The following MRTFB variants were observed in gnomAD, a reference collection of about 807,000 sequenced individuals.
MRTFB encodes myocardin related transcription factor B.
MRTFB carries 29 observed loss-of-function variants against 104.2 expected under a neutral mutation model. The observed-to-expected ratio is 0.28, with a 90% CI of 0.21 to 0.38. MRTFB has a LOEUF of 0.38. Among genes scored for constraint, MRTFB ranks in the 10% least tolerant of loss-of-function variants. The probability of loss-of-function intolerance (pLI) is 1.00; values close to 1 mark genes in which losing one functional copy is unlikely to be tolerated. For synonymous variants in MRTFB, 535 were observed against 519.5 expected (o/e 1.03, Z -0.41); for missense variants, 1,270 against 1,341.6 (o/e 0.95, Z 0.83).
chr16:14,232,028 A>T (rs1263830907), intron 8 of MRTFB, among the ~76,000 whole-genome samples: 1 of 152,232 alleles, frequency 6.6e-6, no homozygotes, highest in East Asian at 1.9e-4. Context: ...GGCACAGTCT[A>T]GAAATTTAGG....
intron 6 of MRTFB, among the ~76,000 whole-genome samples, chr16:14,214,265 C>CTTTCA (rs984623991): frequency 1.3e-5 from 2 of 152,202 alleles, no homozygotes; most frequent in Non-Finnish European, 2.9e-5. Context: ...GTTACATTTT[C>CTTTCA]TTTCATTGTT....
chr16:14,256,194 C>CAA (rs750556838), intron 15 of MRTFB, among the ~76,000 whole-genome samples: 1,905 of 77,614 alleles, frequency 0.025, 103 homozygotes, highest in African/African-American at 0.087. Context: ...AACAGGATAA[C>CAA]AAAAAAAAAA....
intron 3 of MRTFB, among the ~76,000 whole-genome samples, chr16:14,206,965 C>A (rs1013528508): frequency 6.6e-5 from 10 of 151,488 alleles, no homozygotes; most frequent in Admixed American, 2.0e-4. Flanking sequence ...ACATACTTAA[C>A]AAAATGGCTA....
At chr16:14,094,747 A>G (rs913015541) in intron 2 of MRTFB, among the ~76,000 whole-genome samples, 1 of 152,202 alleles carries the variant, frequency 6.6e-6, no homozygotes, top group Non-Finnish European at 1.5e-5. Context: ...TACAGGTAGA[A>G]TAGGGGTTTT....
In MRTFB at chr16:14,261,201, G is replaced by T; in HGVS notation, c.3057G>T (p.Leu1019=). 6.2e-7 allele frequency: 1 copy of T among 1,614,198 alleles called. No individual in the cohort carries two copies. Among genetic ancestry groups the T allele is most frequent in the Non-Finnish European group, 8.5e-7 (1 of 1,180,036 alleles). Residue 1019 remains leucine (L), a synonymous_variant, in exon 17 of 17, where the codon CTG becomes CTT. Transcript: ENST00000571589. ...FSLIEDLQND[L]LSHSGMLDHS... ...TGATCGAGGACCTCCAGAATGATCTGCTGAGTCACTCAGGTATGCTGGACC... is the reference window on the plus strand; with the variant it reads ...TGATCGAGGACCTCCAGAATGATCTTCTGAGTCACTCAGGTATGCTGGACC...
At position 14,246,836 on chromosome 16, in the gene MRTFB, T is replaced by G; in HGVS notation, c.1576T>G (p.Phe526Val). The G allele has an allele frequency of 1.2e-6, 2 of 1,612,426 alleles. No homozygotes were observed. The highest frequency in any genetic ancestry group is 1.1e-5 in the South Asian group (1 of 91,064). ...STDDTNMADT[F>V]TEIMTMMSPS... Reference sequence around the variant, plus strand: ...TGATGACACAAACATGGCAGACACTTTCACCGAGATTATGACCATGATGTC... The same window carrying G: ...TGATGACACAAACATGGCAGACACTGTCACCGAGATTATGACCATGATGTC... Residue 526 changes from phenylalanine (F) to valine (V), a missense_variant, in exon 12 of 17, where the codon TTC becomes GTC. By Grantham distance (50) the Phe-to-Val change is conservative. Around this residue, in one of 3 missense-constraint regions of MRTFB, gnomAD observed 1,144 missense variants for 1,131.5 expected, o/e 1.01. Coordinates refer to ENST00000571589, the MANE Select transcript of MRTFB (RefSeq NM_001308142.2).
chr16:14,236,040 G>A (rs2042487119), intron 9 of MRTFB, among the ~76,000 whole-genome samples: 1 of 152,030 alleles, frequency 6.6e-6, no homozygotes, highest in Non-Finnish European at 1.5e-5. Context: ...AAATTAGTTG[G>A]GCATGGTGGC....
chr16:14,141,879 C>T (rs1597045572), intron 3 of MRTFB: 1 of 150,680 alleles, frequency 6.6e-6, no homozygotes, highest in South Asian at 2.1e-4. Flanking sequence ...CACTCTGTCG[C>T]CCAGGCTTGA....
intron 1 of MRTFB, among the ~76,000 whole-genome samples, chr16:14,077,001 A>G (rs1327027047): frequency 1.6e-4 from 24 of 152,124 alleles, no homozygotes; most frequent in Non-Finnish European, 2.9e-5. Context: ...ACTAATTTCT[A>G]TAAGTGTATA....
intron 8 of MRTFB, among the ~76,000 whole-genome samples, chr16:14,226,517 G>A (rs566908571): frequency 2.2e-4 from 33 of 152,210 alleles, no homozygotes; most frequent in South Asian, 6.2e-4. Flanking sequence ...ACCTAACATC[G>A]TAGGCAAAAA....
intron 6 of MRTFB, among the ~76,000 whole-genome samples, chr16:14,216,155 GATGTGCTGCAGGGTAACCTCCTAGCC>G (rs2041413814): frequency 6.6e-6 from 1 of 152,254 alleles, no homozygotes; most frequent in Non-Finnish European, 1.5e-5. Flanking sequence ...AAGCTACACA[GATGTGCTGCAGGGTAACCTCCTAGCC>G]ATGTGCTTTC....
chr16:14,086,942 G>T (rs1321283702), intron 2 of MRTFB, among the ~76,000 whole-genome samples: 1 of 152,062 alleles, frequency 6.6e-6, no homozygotes, highest in African/African-American at 2.4e-5. Context: ...TCCTATTTTA[G>T]GCACAAAGCT....
Position 14,261,289 on chromosome 16 carries a change from C to G in MRTFB, c.3145C>G (p.Leu1049Val). The G allele has an allele frequency of 1.2e-6, 2 of 1,614,192 alleles. No homozygotes were observed. The highest frequency in any genetic ancestry group is 1.1e-5 in the South Asian group (1 of 91,072). ...QFAAGTPCLSLDLSDSNLDNM... is the reference protein window; with the variant it reads ...QFAAGTPCLSVDLSDSNLDNM... ...TGCTGCAGGTACTCCCTGTCTGTCT[C>G]TCGACCTGTCAGACTCAAACTTGGA... is the stretch of plus-strand genomic sequence containing the variant. The change falls in exon 17 of 17, where the codon CTC becomes GTC. Residue 1049 changes from leucine (L) to valine (V), a missense_variant. By Grantham distance (32) the Leu-to-Val change is conservative. Around this residue, in one of 3 missense-constraint regions of MRTFB, gnomAD observed 1,144 missense variants for 1,131.5 expected, o/e 1.01. Coordinates refer to ENST00000571589, the MANE Select transcript of MRTFB (RefSeq NM_001308142.2).
At chr16:14,017,711 A>ATATATATATATATATAT in the MRTFB span, among the ~76,000 whole-genome samples, 3 of 33,612 alleles carry the variant, frequency 8.9e-5, no homozygotes, top group East Asian at 1.0e-3. Context: ...ATATATATAT[A>ATATATATATATATATAT]TTTTTTTTTT....
intron 2 of MRTFB, among the ~76,000 whole-genome samples, chr16:14,090,575 C>T (rs1037141599): frequency 1.2e-4 from 19 of 152,032 alleles, no homozygotes. Context: ...TGTGGTGGTG[C>T]CAGGAGGGGG....
intron 5 of MRTFB, among the ~76,000 whole-genome samples, chr16:14,212,759 G>A (rs1224923326): frequency 6.6e-6 from 1 of 152,176 alleles, no homozygotes. Context: ...GACAGCCAAG[G>A]ATGTGGTGAC....
intron 3 of MRTFB, among the ~76,000 whole-genome samples, chr16:14,148,153 T>G (rs1267563471): frequency 6.6e-6 from 1 of 152,148 alleles, no homozygotes; most frequent in African/African-American, 2.4e-5. Context: ...ATAATATACA[T>G]AATATAAATG....
At chr16:14,203,752 T>C (rs2040817445) in intron 3 of MRTFB, among the ~76,000 whole-genome samples, 1 of 134,420 alleles carries the variant, frequency 7.4e-6, no homozygotes, top group Non-Finnish European at 1.5e-5. Context: ...TGCAGGGAGC[T>C]GAGATCAGAC....
intron 2 of MRTFB, among the ~76,000 whole-genome samples, chr16:14,124,898 T>G (rs1404801786): frequency 1.3e-5 from 2 of 152,214 alleles, no homozygotes; most frequent in African/African-American, 4.8e-5. Flanking sequence ...TTTTTTCCTA[T>G]AAAATATTTT....
Sources: gnomAD v4.1 joint callset for allele counts (sites outside exome capture counted in the v4.1 genomes callset) on GRCh38, gnomAD v4.1.1 for gene constraint, gnomAD v4.1.1 regional missense constraint, MANE v1.5 for transcripts, NCBI Gene and HGNC (gene_info 2026-07-23, HGNC 2026-07-21) for gene names.